PCDHA1: variants seen among roughly 807,000 people sequenced by gnomAD.
PCDHA1 encodes the protein protocadherin alpha-1.
In PCDHA1, 42 loss-of-function variants were observed where a neutral mutation model predicts 61.3. The ratio of observed to expected loss-of-function variants is 0.69; its 90% CI spans 0.54 to 0.89. PCDHA1 has a LOEUF of 0.89. PCDHA1 is among the 40% of genes least tolerant of loss of function. The pLI is 0.00. For synonymous variants in PCDHA1, 610 were observed against 553.8 expected, an observed-to-expected ratio of 1.10 and a Z score of -1.43; for missense variants, 1,256 against 1,235.3, an observed-to-expected ratio of 1.02 and a Z score of -0.25.
At chr5:140,841,566 G>A (rs2150318318) in intron 1 of PCDHA1, 14 of 1,613,814 alleles carry the variant, frequency 8.7e-6, no homozygotes, top group African/African-American at 4.0e-5. Context: ...CTGCAGAATG[G>A]CATTTTGTTT....
chr5:140,831,988 G>T (rs1771788982), intron 1 of PCDHA1, among the ~76,000 whole-genome samples: 1 of 152,168 alleles, frequency 6.6e-6, no homozygotes, highest in Admixed American at 6.6e-5. Flanking sequence ...TCTCATTACG[G>T]ATTCCATATT....
At chr5:140,792,413 C>A (rs373655143) in intron 1 of PCDHA1, among the ~76,000 whole-genome samples, 2 of 152,118 alleles carry the variant, frequency 1.3e-5, no homozygotes, top group African/African-American at 4.8e-5. Context: ...AAAGTGATGT[C>A]TTTTGGGGTA....
At chr5:140,907,534 T>G (rs2073435289) in intron 1 of PCDHA1, among the ~76,000 whole-genome samples, 1 of 152,204 alleles carries the variant, frequency 6.6e-6, no homozygotes, top group African/African-American at 2.4e-5. Flanking sequence ...CGCTGCCCTT[T>G]CTATGATGGA....
chr5:140,831,050 T>A (rs1228515623), intron 1 of PCDHA1: 2 of 152,266 alleles, frequency 1.3e-5, no homozygotes, highest in Non-Finnish European at 2.9e-5. Context: ...TAGTGTTCAT[T>A]TATTGTCCCC....
At chr5:140,986,031 G>A (rs1443664535) in intron 3 of PCDHA1, among the ~76,000 whole-genome samples, 5 of 152,198 alleles carry the variant, frequency 3.3e-5, no homozygotes, top group South Asian at 2.1e-4. Flanking sequence ...GAGCCACTGC[G>A]CCTGGCCTCA....
At chr5:141,009,463 A>C in intron 3 of PCDHA1, 164 bp from the exon 4 acceptor site, 1 of 954,884 alleles carries the variant, frequency 1.0e-6, no homozygotes, top group Non-Finnish European at 1.2e-6. Context: ...AAACAAATAA[A>C]TAAATAAGTA....
chr5:140,828,666 T>C lies in PCDHA1; in HGVS notation c.2394+39982T>C, dbSNP rs111411595. The stretch of plus-strand genomic sequence containing the variant: ...ATAAACAGTGATGACAATAAACAAA[T>C]TGGGCTCTTATTAAAGAAATCCTTG... On this transcript the variant is annotated intron_variant, in intron 1 of 3. Coordinates refer to ENST00000504120, the MANE Select transcript of PCDHA1 (RefSeq NM_018900.4). 181 of 1,614,044 alleles carry C rather than the reference T, an allele frequency of 1.1e-4. No individual in the cohort carries two copies. The highest frequency in any genetic ancestry group is 1.7e-4 in the African/African-American group (13 of 74,926).
chr5:140,827,091 A>G (rs568618224), intron 1 of PCDHA1, among the ~76,000 whole-genome samples: 1 of 152,214 alleles, frequency 6.6e-6, no homozygotes, highest in Non-Finnish European at 1.5e-5. Flanking sequence ...ACTATTTTCT[A>G]GGAGTCAGCA....
Position 140,799,504 on chromosome 5 carries a change from A to C in PCDHA1, c.2394+10820A>C, listed in dbSNP as rs1413340971. Among the ~76,000 whole-genome samples the C allele has an allele frequency of 1.3e-5, 2 of 152,028 alleles. 1 individual carries two copies. Among genetic ancestry groups the C allele is most frequent in the Non-Finnish European group, 2.9e-5 (2 of 67,934 alleles). On this transcript the variant is annotated intron_variant, in intron 1 of 3. Coordinates refer to ENST00000504120, the MANE Select transcript of PCDHA1 (RefSeq NM_018900.4). ...TCTTAGGTCCATGCTTTTCAGAAAT[A>C]ATGCTTAAATGTTTACTTACTTCTT... is the stretch of plus-strand genomic sequence containing the variant.
At chr5:140,846,228 T>C (rs1397135837) in intron 1 of PCDHA1, among the ~76,000 whole-genome samples, 1 of 149,604 alleles carries the variant, frequency 6.7e-6, no homozygotes, top group Non-Finnish European at 1.5e-5. Flanking sequence ...AGTATTTTTC[T>C]TAAAAAGAAG....
intron 1 of PCDHA1, chr5:140,821,627 C>A: frequency 1.1e-6 from 1 of 931,036 alleles, no homozygotes; most frequent in Non-Finnish European, 1.6e-6. Flanking sequence ...TTTCCTTAGA[C>A]AGAAAGGAAA....
At chr5:140,903,563 T>G (rs1459855021) in intron 1 of PCDHA1, among the ~76,000 whole-genome samples, 1 of 152,208 alleles carries the variant, frequency 6.6e-6, no homozygotes, top group African/African-American at 2.4e-5. Context: ...ATAAGTGGAA[T>G]TGGGAGCTGT....
chr5:140,796,434 G>A (rs1554119895), intron 1 of PCDHA1: 2 of 1,613,634 alleles, frequency 1.2e-6, no homozygotes, highest in Non-Finnish European at 1.7e-6. Context: ...ACGCGCTGGT[G>A]TCCTACTCGC....
At position 140,787,870 on chromosome 5, in the gene PCDHA1, A is replaced by G; in HGVS notation, c.1580A>G (p.Glu527Gly). Reference sequence around the variant, plus strand: ...GCACTGCAGCCCCTGGACCACGAGGAGCTGGAGCTGCTGCAGTTCCAGGTG... The same window carrying G: ...GCACTGCAGCCCCTGGACCACGAGGGGCTGGAGCTGCTGCAGTTCCAGGTG... Reference protein sequence around the residue: ...VYALQPLDHEELELLQFQVSA... With the variant: ...VYALQPLDHEGLELLQFQVSA... The change falls in exon 1 of 4, where the codon GAG (glutamate) becomes GGG (glycine). Residue 527 changes from glutamate to glycine, a missense_variant. Transcript: ENST00000504120. The G allele has an allele frequency of 6.8e-6, 11 of 1,612,838 alleles. No homozygotes were observed. The highest frequency in any genetic ancestry group is 9.3e-6 in the Non-Finnish European group (11 of 1,179,806).
chr5:140,812,415 GT>G (rs1379696427), intron 1 of PCDHA1: 1 of 151,260 alleles, frequency 6.6e-6, no homozygotes, highest in Non-Finnish European at 1.5e-5. Context: ...CAGTTTTGTT[GT>G]TTTTTCAAAA....
intron 1 of PCDHA1, among the ~76,000 whole-genome samples, chr5:140,907,826 C>T (rs1448630927): frequency 6.6e-6 from 1 of 152,192 alleles, no homozygotes; most frequent in Non-Finnish European, 1.5e-5. Context: ...TCATCCTATC[C>T]ACTTGTTTAT....
intron 3 of PCDHA1, among the ~76,000 whole-genome samples, chr5:140,996,531 G>C (rs782175834): frequency 6.6e-6 from 1 of 152,146 alleles, no homozygotes; most frequent in Non-Finnish European, 1.5e-5. Context: ...GGCCCTGTGT[G>C]TTTTGATATT....
Position 140,883,366 on chromosome 5 carries a change from C to A in PCDHA1, c.2394+94682C>A, listed in dbSNP as rs34923516. 1.2e-5 allele frequency: 19 copies of A among 1,614,056 alleles called. No individual in the cohort carries two copies. In the African/African-American group the frequency reaches 2.4e-4, roughly 20 times the overall value. On this transcript the variant is annotated intron_variant, in intron 1 of 3. Transcript: ENST00000504120. ...CCATCAGAGAAGACACTCAGCCTAGCGCCATTATTGCCCTAATCAGTGTGT... is the reference window on the plus strand; with the variant it reads ...CCATCAGAGAAGACACTCAGCCTAGAGCCATTATTGCCCTAATCAGTGTGT...
At position 140,858,244 on chromosome 5, in the gene PCDHA1, G is replaced by T. The variant is rs782743084; in HGVS notation, c.2394+69560G>T. The T allele has an allele frequency of 1.9e-5, 30 of 1,595,808 alleles. 1 individual carries two copies. The highest frequency in any genetic ancestry group is 3.4e-4 in the Middle Eastern group (2 of 5,896). On this transcript the variant is annotated intron_variant, in intron 1 of 3. Transcript: ENST00000504120. Reference sequence around the variant, plus strand: ...CGCCCACCGAGGGCGCATGTGGGCCGGTGAAGCCCACGCTGGTGTGCTCTA... The same window carrying T: ...CGCCCACCGAGGGCGCATGTGGGCCTGTGAAGCCCACGCTGGTGTGCTCTA...
Sources: gnomAD v4.1 joint callset for allele counts (sites outside exome capture counted in the v4.1 genomes callset) on GRCh38, gnomAD v4.1.1 for gene constraint, MANE v1.5 for transcripts, NCBI Gene and HGNC (gene_info 2026-07-23, HGNC 2026-07-21) for gene names.